The following CADM2 variants were observed in gnomAD, a reference collection of about 807,000 sequenced individuals.
CADM2 encodes the protein cell adhesion molecule 2.
In CADM2, 12 loss-of-function variants were observed where a neutral mutation model predicts 49.8. The observed-to-expected ratio is 0.24, with a 90% CI of 0.15 to 0.39. CADM2 has a LOEUF of 0.39. Ranked by LOEUF, CADM2 falls within the 10% of genes least tolerant of loss-of-function variation. The pLI is 1.00. For missense variants in CADM2, 378 were observed against 492.3 expected (o/e 0.77, Z 2.20); for synonymous variants, 214 against 175.4 (o/e 1.22, Z -1.74).
chr3:85,697,586 G>A (rs2066610264), intron 1 of CADM2, among the ~76,000 whole-genome samples: 1 of 152,148 alleles, frequency 6.6e-6, no homozygotes, highest in South Asian at 2.1e-4. Flanking sequence ...TAAACTGTAT[G>A]ATTCTGGATG....
chr3:85,603,559 A>G (rs1019919704), intron 1 of CADM2, among the ~76,000 whole-genome samples: 3 of 151,610 alleles, frequency 2.0e-5, no homozygotes, highest in Non-Finnish European at 3.0e-5. Flanking sequence ...TTTTTTCCCC[A>G]GGGGAAACAA....
At chr3:85,379,427 G>C (rs1479620702) in intron 1 of CADM2, among the ~76,000 whole-genome samples, 1 of 151,934 alleles carries the variant, frequency 6.6e-6, no homozygotes, top group African/African-American at 2.4e-5. Context: ...TAAAGGTCAG[G>C]TGTTTCATTT....
intron 1 of CADM2, among the ~76,000 whole-genome samples, chr3:85,088,220 G>C (rs148193502): frequency 1.3e-5 from 2 of 151,958 alleles, no homozygotes; most frequent in African/African-American, 4.8e-5. Flanking sequence ...GGTTCTTGCC[G>C]CTTTCCTTAT....
At chr3:85,889,976 T>A (rs568250845) in intron 5 of CADM2, among the ~76,000 whole-genome samples, 1 of 152,070 alleles carries the variant, frequency 6.6e-6, no homozygotes, top group Admixed American at 6.6e-5. Flanking sequence ...TCAGTAAAGA[T>A]CTGTTTATTG....
intron 8 of CADM2, among the ~76,000 whole-genome samples, chr3:86,034,317 G>T (rs1734907049): frequency 3.3e-5 from 5 of 152,088 alleles, no homozygotes; most frequent in Non-Finnish European, 7.4e-5. Flanking sequence ...GTATTAGAAG[G>T]TGAAGCCTTT....
intron 1 of CADM2, among the ~76,000 whole-genome samples, chr3:85,062,396 G>T (rs1010073614): frequency 6.6e-6 from 1 of 151,828 alleles, no homozygotes; most frequent in Non-Finnish European, 1.5e-5. Context: ...TTTATTAATA[G>T]CAACATTAAT....
chr3:85,371,990 T>A (rs2033274480), intron 1 of CADM2, among the ~76,000 whole-genome samples: 10 of 151,810 alleles, frequency 6.6e-5, no homozygotes, highest in African/African-American at 2.2e-4. Flanking sequence ...GTTCTCTCTG[T>A]CTCCTCTAAT....
At chr3:85,073,228 T>C (rs2107478690) in intron 1 of CADM2, among the ~76,000 whole-genome samples, 1 of 152,246 alleles carries the variant, frequency 6.6e-6, no homozygotes, top group East Asian at 1.9e-4. Flanking sequence ...GCATACAACT[T>C]ATTAGTGTTG....
intron 1 of CADM2, among the ~76,000 whole-genome samples, chr3:85,604,498 G>C (rs2063497792): frequency 6.6e-6 from 1 of 151,948 alleles, no homozygotes; most frequent in African/African-American, 2.4e-5. Flanking sequence ...TTGTGTGTGT[G>C]TTTCTAAAAC....
intron 1 of CADM2, among the ~76,000 whole-genome samples, chr3:85,721,709 T>C (rs980866026): frequency 6.6e-6 from 1 of 152,190 alleles, no homozygotes; most frequent in African/African-American, 2.4e-5. Context: ...CTCTAGGAAC[T>C]GCAGGGCCCC....
intron 8 of CADM2, among the ~76,000 whole-genome samples, chr3:85,980,702 T>G (rs2108668120): frequency 6.6e-6 from 1 of 151,704 alleles, no homozygotes; most frequent in East Asian, 1.9e-4. Flanking sequence ...AGTTCTACTT[T>G]GCTTTAATTT....
Position 85,347,588 on chromosome 3 carries a change from CATATATATACAT to C in CADM2, c.62-378926_62-378915del, listed in dbSNP as rs1159710766. Among the ~76,000 whole-genome samples the C allele has an allele frequency of 2.6e-3, 363 of 139,250 alleles. 3 individuals carry two copies. Among genetic ancestry groups the C allele is most frequent in the Non-Finnish European group, 3.2e-3 (209 of 65,852 alleles). 91.4% of individuals were successfully genotyped at this position (139,250 alleles called of 152,430 possible). On this transcript the variant is annotated intron_variant, in intron 1 of 9. Transcript: ENST00000383699. ...ATATATAAATATATATACATATATA[CATATATATACAT>C]ATATATAAAAATATATATACATATA... is the stretch of plus-strand genomic sequence containing the variant.
intron 8 of CADM2, among the ~76,000 whole-genome samples, chr3:86,010,954 A>G (rs1478235656): frequency 1.3e-5 from 2 of 151,412 alleles, no homozygotes; most frequent in Admixed American, 6.6e-5. Context: ...CTCTAAAAAT[A>G]TAAGTTATAA....
intron 1 of CADM2, among the ~76,000 whole-genome samples, chr3:85,604,269 A>G (rs1054060762): frequency 3.9e-5 from 6 of 151,930 alleles, no homozygotes; most frequent in African/African-American, 7.2e-5. Context: ...GACTTTGCTC[A>G]GAGAGATCAG....
intron 2 of CADM2, among the ~76,000 whole-genome samples, chr3:85,776,964 C>A (rs1413258436): frequency 1.3e-5 from 2 of 152,046 alleles, no homozygotes; most frequent in Non-Finnish European, 2.9e-5. Context: ...CTTTGAATCA[C>A]AATTTAATGC....
chr3:85,557,863 T>C (rs1216725969), intron 1 of CADM2, among the ~76,000 whole-genome samples: 1 of 152,036 alleles, frequency 6.6e-6, no homozygotes. Flanking sequence ...TAAAGACATT[T>C]TTTGCTATTC....
intron 1 of CADM2, among the ~76,000 whole-genome samples, chr3:85,130,957 T>A (rs565027681): frequency 1.3e-5 from 2 of 152,216 alleles, no homozygotes; most frequent in South Asian, 4.1e-4. Context: ...CCAAGGTGGG[T>A]GGATCACTTG....
intron 2 of CADM2, among the ~76,000 whole-genome samples, chr3:85,776,781 A>G (rs1393832092): frequency 6.6e-6 from 1 of 152,112 alleles, no homozygotes; most frequent in Non-Finnish European, 1.5e-5. Context: ...ACTCAGTGCT[A>G]ATTGTTTTTA....
At chr3:85,129,435 T>G (rs1417513572) in intron 1 of CADM2, among the ~76,000 whole-genome samples, 1 of 152,226 alleles carries the variant, frequency 6.6e-6, no homozygotes, top group Admixed American at 6.5e-5. Flanking sequence ...CCACTATCAC[T>G]TTAATTTTCT....
Sources: allele counts gnomAD v4.1 joint callset (sites outside exome capture counted in the v4.1 genomes callset), GRCh38; gene constraint gnomAD v4.1.1; transcripts MANE v1.5; gene names NCBI Gene and HGNC (gene_info 2026-07-23, HGNC 2026-07-21).